The following LRBA variants were observed in gnomAD, a reference collection of about 807,000 sequenced individuals.
The protein encoded by LRBA is LPS responsive beige-like anchor protein.
A neutral mutation model predicts 330.0 loss-of-function variants in LRBA; 176 were observed. That is an observed-to-expected ratio of 0.53 (90% CI 0.47 to 0.60). LRBA has a LOEUF of 0.60. LRBA is among the 20% of genes least tolerant of loss of function. The pLI, the probability that LRBA is intolerant of heterozygous loss-of-function variation, is 0.00. For missense variants in LRBA, 3,259 were observed against 3,444.8 expected (o/e 0.95, Z 1.35); for synonymous variants, 1,230 against 1,193.0 (o/e 1.03, Z -0.64).
intron 17 of LRBA, among the ~76,000 whole-genome samples, chr4:150,883,320 C>A (rs1728605689): frequency 6.6e-6 from 1 of 152,006 alleles, no homozygotes; most frequent in Admixed American, 6.6e-5. Context: ...ATTAGCCAGG[C>A]ATGGGGGTGG....
chr4:150,473,896 A>T (rs116590513), intron 42 of LRBA, among the ~76,000 whole-genome samples: 169 of 152,312 alleles, frequency 1.1e-3, no homozygotes, highest in African/African-American at 3.9e-3. Context: ...CAGACACATG[A>T]TATACAAATG....
At chr4:150,886,300 C>T (rs75768533) in intron 17 of LRBA, among the ~76,000 whole-genome samples, 1,806 of 152,234 alleles carry the variant, frequency 0.012, 34 homozygotes, top group African/African-American at 0.041. Flanking sequence ...AAAAACTATG[C>T]TTCCAGTTAG....
At chr4:150,609,407 G>A (rs1483523310) in intron 37 of LRBA, among the ~76,000 whole-genome samples, 3 of 152,176 alleles carry the variant, frequency 2.0e-5, no homozygotes, top group African/African-American at 7.2e-5. Flanking sequence ...CATGAGAGAA[G>A]CCAGATTGGA....
intron 35 of LRBA, among the ~76,000 whole-genome samples, chr4:150,741,086 C>T (rs1206369811): frequency 1.3e-5 from 2 of 152,022 alleles, no homozygotes; most frequent in African/African-American, 2.4e-5. Flanking sequence ...CATAAGAGAG[C>T]ATCTTCCTGA....
chr4:150,763,469 C>CT (rs1377733179), intron 34 of LRBA, among the ~76,000 whole-genome samples: 1 of 151,812 alleles, frequency 6.6e-6, no homozygotes, highest in African/African-American at 2.4e-5. Context: ...TAAATTTTTT[C>CT]CAGCGAGGTA....
At chr4:150,461,725 T>C (rs1245095678) in intron 44 of LRBA, among the ~76,000 whole-genome samples, 2 of 151,850 alleles carry the variant, frequency 1.3e-5, no homozygotes, top group Non-Finnish European at 2.9e-5. Flanking sequence ...TGGGTTTTCA[T>C]TGGCAAGTGG....
intron 31 of LRBA, among the ~76,000 whole-genome samples, chr4:150,809,857 TA>T (rs1406130723): frequency 1.5e-4 from 2 of 13,494 alleles, no homozygotes; most frequent in Admixed American, 1.5e-3. Flanking sequence ...TAAAATACGA[TA>T]CGATACGATA....
chr4:150,592,144 G>GTTTTTTTTT lies in LRBA; in HGVS notation c.6047-1294_6047-1286dup, dbSNP rs10685627. 5.2e-4 allele frequency among the ~76,000 whole-genome samples: 34 copies of GTTTTTTTTT among 65,190 alleles called. 4 individuals carry two copies. The highest frequency in any genetic ancestry group is 1.9e-3 in the East Asian group (3 of 1,558). The allele number at this position is 65,190 out of a possible 152,430, so 42.8% of individuals were successfully genotyped here. On this transcript the variant is annotated intron_variant, in intron 38 of 56. Coordinates refer to ENST00000651943, the MANE Select transcript of LRBA (RefSeq NM_001364905.1). ...TTGATATGGAAATCGGATGGCTAGG[G>GTTTTTTTTT]TTTTTTTTTTTTTTTTTTTTTTTTT...
intron 23 of LRBA, among the ~76,000 whole-genome samples, chr4:150,851,386 ACT>A (rs1294016695): frequency 6.6e-6 from 1 of 152,244 alleles, no homozygotes; most frequent in Non-Finnish European, 1.5e-5. Flanking sequence ...GCTACCAAGC[ACT>A]GTCTCATGGG....
intron 45 of LRBA, 37 bp from the exon 46 acceptor site, chr4:150,435,745 T>C (rs1161578348): frequency 6.4e-7 from 1 of 1,561,866 alleles, no homozygotes. Context: ...ATATGTTCCC[T>C]CAGGCATAAA....
At chr4:150,953,364 C>A (rs1357001647) in intron 2 of LRBA, among the ~76,000 whole-genome samples, 2 of 141,078 alleles carry the variant, frequency 1.4e-5, no homozygotes, top group African/African-American at 2.6e-5. Flanking sequence ...TCCCTCTCTC[C>A]CTCCCCCTCC....
At chr4:150,653,386 T>C (rs1280330137) in intron 37 of LRBA, among the ~76,000 whole-genome samples, 1 of 152,204 alleles carries the variant, frequency 6.6e-6, no homozygotes, top group East Asian at 1.9e-4. Context: ...CTTTAATCTA[T>C]TATACTTTCA....
intron 47 of LRBA, among the ~76,000 whole-genome samples, chr4:150,361,344 G>A (rs1179695191): frequency 1.3e-5 from 2 of 152,118 alleles, no homozygotes; most frequent in Non-Finnish European, 2.9e-5. Flanking sequence ...GAGACTTCTT[G>A]CAAGAGTTAA....
In LRBA at chr4:150,692,652, A is replaced by G. The variant is rs563667224; in HGVS notation, c.5755-8935T>C. Among the ~76,000 whole-genome samples, 25 of 152,336 alleles carry G rather than the reference A, an allele frequency of 1.6e-4. No individual in the cohort carries two copies. In the South Asian group the frequency reaches 5.2e-3, roughly 32 times the overall value. On this transcript the variant is annotated intron_variant, in intron 36 of 56. Transcript: ENST00000651943. Reference sequence around the variant, plus strand: ...TCAATGAGGAAGAGACAGATAACCAATAAGAAACTGGGTAAGAGAGCAACA... The same window carrying G: ...TCAATGAGGAAGAGACAGATAACCAGTAAGAAACTGGGTAAGAGAGCAACA...
At chr4:150,670,228 C>T (rs1781935879) in intron 37 of LRBA, among the ~76,000 whole-genome samples, 1 of 152,174 alleles carries the variant, frequency 6.6e-6, no homozygotes, top group Admixed American at 6.5e-5. Context: ...GATTTTTCTA[C>T]ATCTATTAAT....
chr4:150,970,247 C>A (rs1383725773), intron 2 of LRBA, among the ~76,000 whole-genome samples: 1 of 151,910 alleles, frequency 6.6e-6, no homozygotes, highest in African/African-American at 2.4e-5. Context: ...CATCTGTAAT[C>A]CCAGCACTTA....
intron 2 of LRBA, among the ~76,000 whole-genome samples, chr4:150,992,817 A>G (rs368721884): frequency 9.2e-5 from 14 of 152,334 alleles, no homozygotes; most frequent in African/African-American, 2.9e-4. Flanking sequence ...CCATTTTCCT[A>G]TCTACTAACT....
intron 37 of LRBA, among the ~76,000 whole-genome samples, chr4:150,622,171 C>T (rs552812876): frequency 1.3e-5 from 2 of 152,206 alleles, no homozygotes; most frequent in East Asian, 3.9e-4. Flanking sequence ...AATGCAATGG[C>T]CTGTTTAGAA....
At chr4:150,654,850 A>C (rs1234401187) in intron 37 of LRBA, among the ~76,000 whole-genome samples, 1 of 152,004 alleles carries the variant, frequency 6.6e-6, no homozygotes, top group African/African-American at 2.4e-5. Flanking sequence ...AGCTTCATCC[A>C]TGTCCCTACA....
Sources: allele counts gnomAD v4.1 joint callset (sites outside exome capture counted in the v4.1 genomes callset), GRCh38; gene constraint gnomAD v4.1.1; transcripts MANE v1.5; gene names NCBI Gene and HGNC (gene_info 2026-07-23, HGNC 2026-07-21).